Variants in SRGAP2C observed in about 807,000 individuals in gnomAD.
SRGAP2C encodes SLIT-ROBO Rho GTPase activating protein 2C, also known as SLIT-ROBO Rho GTPase-activating protein 2C.
SRGAP2C carries 15 observed loss-of-function variants against 25.1 expected under a neutral mutation model. The ratio of observed to expected loss-of-function variants is 0.60; its 90% CI spans 0.40 to 0.92. The LOEUF (loss-of-function observed/expected upper bound fraction) is 0.92, where lower values mean the gene tolerates loss of function less well. Ranked by LOEUF, SRGAP2C falls within the 40% of genes least tolerant of loss-of-function variation. The pLI is 0.00. For synonymous variants in SRGAP2C, 44 were observed against 96.6 expected, an observed-to-expected ratio of 0.46 and a Z score of 3.19; for missense variants, 144 against 264.4, an observed-to-expected ratio of 0.54 and a Z score of 3.16.
At chr1:121,296,132 G>A (rs1657594146) in intron 3 of SRGAP2C, among the ~76,000 whole-genome samples, 1 of 148,310 alleles carries the variant, frequency 6.7e-6, no homozygotes, top group Non-Finnish European at 1.5e-5. Flanking sequence ...TGAGAAATTT[G>A]GTTTTGGATT....
intron 3 of SRGAP2C, among the ~76,000 whole-genome samples, chr1:121,306,950 T>G (rs1553339516): frequency 2.0e-5 from 3 of 151,810 alleles, no homozygotes; most frequent in African/African-American, 7.3e-5. Context: ...CTCTGAGATT[T>G]TCTACTTTGT....
intron 2 of SRGAP2C, among the ~76,000 whole-genome samples, chr1:121,208,516 T>G (rs1233624969): frequency 6.6e-6 from 1 of 152,182 alleles, no homozygotes; most frequent in Admixed American, 6.5e-5. Flanking sequence ...GATGGGTAAA[T>G]GATAAATAGC....
intron 3 of SRGAP2C, among the ~76,000 whole-genome samples, chr1:121,314,473 C>T (rs1410830329): frequency 2.0e-5 from 3 of 152,222 alleles, no homozygotes; most frequent in African/African-American, 7.2e-5. Context: ...TGGTGAGAAA[C>T]TGCGTTCCTT....
chr1:121,384,697 A>G (rs1659917369), intron 8 of SRGAP2C, among the ~76,000 whole-genome samples: 1 of 138,318 alleles, frequency 7.2e-6, no homozygotes, highest in African/African-American at 2.7e-5. Context: ...GCTTGTCTCC[A>G]TAAAGGAGGA....
intron 4 of SRGAP2C, among the ~76,000 whole-genome samples, chr1:121,341,748 G>A: frequency 1.7e-5 from 1 of 57,744 alleles, no homozygotes; most frequent in Non-Finnish European, 3.3e-5. Flanking sequence ...TGGAGGACTG[G>A]AGAGGCATGA....
At chr1:121,259,827 CTTCT>C (rs1322975725) in intron 2 of SRGAP2C, among the ~76,000 whole-genome samples, 5 of 127,508 alleles carry the variant, frequency 3.9e-5, no homozygotes, top group African/African-American at 1.4e-4. Context: ...AAAATTTTTT[CTTCT>C]TTCTTCTTCT....
chr1:121,374,598 T>A (rs1306285684), intron 6 of SRGAP2C, among the ~76,000 whole-genome samples: 1 of 152,118 alleles, frequency 6.6e-6, no homozygotes, highest in Non-Finnish European at 1.5e-5. Context: ...GAAGATAGAA[T>A]CAAAGCGGGG....
chr1:121,298,051 C>G (rs1657632347), intron 3 of SRGAP2C, among the ~76,000 whole-genome samples: 1 of 152,082 alleles, frequency 6.6e-6, no homozygotes, highest in Non-Finnish European at 1.5e-5. Flanking sequence ...TCTTCAGACA[C>G]CTGTGGGCCC....
intron 3 of SRGAP2C, among the ~76,000 whole-genome samples, chr1:121,295,770 G>T (rs1276175270): frequency 1.3e-5 from 2 of 150,490 alleles, no homozygotes; most frequent in African/African-American, 2.4e-5. Flanking sequence ...TGTTGTTTGG[G>T]TTTTTTTTTA....
chr1:121,384,774 G>A (rs1659920027), intron 8 of SRGAP2C, among the ~76,000 whole-genome samples: 1 of 151,592 alleles, frequency 6.6e-6, no homozygotes, highest in Non-Finnish European at 1.5e-5. Flanking sequence ...ACTCCGGAGT[G>A]CAGCTGAAGT....
At chr1:121,206,213 C>T (rs1360764223) in intron 2 of SRGAP2C, among the ~76,000 whole-genome samples, 2 of 152,024 alleles carry the variant, frequency 1.3e-5, no homozygotes, top group South Asian at 2.1e-4. Flanking sequence ...TGCTCCTTCC[C>T]CCAGACTACA....
intron 2 of SRGAP2C, among the ~76,000 whole-genome samples, chr1:121,239,216 ATATATATATATACTATAT>A (rs1656048294): frequency 1.6e-4 from 1 of 6,264 alleles, no homozygotes; most frequent in Non-Finnish European, 2.3e-4. Context: ...ATATATATAT[ATATATATATATACTATAT>A]ATATATATAT....
In SRGAP2C at chr1:121,334,578, C is replaced by A. The variant is rs1407805076; in HGVS notation, c.423+9938C>A. On this transcript the variant is annotated intron_variant, in intron 4 of 9. Transcript: ENST00000367123. ...CTGTGCTCAAGCAATCCCAGTCCTT[C>A]CGTCTTGGCCTCCCAAAGTGGTGGG... Among the ~76,000 whole-genome samples, 2 of 110,194 alleles carry A rather than the reference C, an allele frequency of 1.8e-5. 1 individual carries two copies. Among genetic ancestry groups the A allele is most frequent in the African/African-American group, 6.7e-5 (2 of 29,904 alleles). The allele number at this position is 110,194 out of a possible 152,430, so 72.3% of individuals were successfully genotyped here.
chr1:121,362,776 T>C (rs1659231417), intron 4 of SRGAP2C: 1 of 143,136 alleles, frequency 7.0e-6, no homozygotes, highest in African/African-American at 2.6e-5. Context: ...GTTGCTTCAG[T>C]GGAGCTCAGC....
intron 2 of SRGAP2C, among the ~76,000 whole-genome samples, chr1:121,234,834 C>G (rs1197125768): frequency 1.3e-5 from 2 of 149,784 alleles, no homozygotes; most frequent in Non-Finnish European, 2.9e-5. Flanking sequence ...CTCTTTCGCT[C>G]TCTCTTGCCC....
At chr1:121,366,705 C>G (rs1659331709) in intron 5 of SRGAP2C, among the ~76,000 whole-genome samples, 1 of 151,624 alleles carries the variant, frequency 6.6e-6, no homozygotes, top group Non-Finnish European at 1.5e-5. Flanking sequence ...TTTCTCCTAG[C>G]AGAGAATTCC....
intron 2 of SRGAP2C, among the ~76,000 whole-genome samples, chr1:121,188,153 G>A (rs1405246461): frequency 6.6e-6 from 1 of 152,208 alleles, no homozygotes; most frequent in Non-Finnish European, 1.5e-5. Flanking sequence ...TCTGAATAGA[G>A]TTGGGAGGAT....
intron 4 of SRGAP2C, chr1:121,362,702 C>T (rs1659226723): frequency 6.6e-6 from 1 of 151,326 alleles, no homozygotes; most frequent in Admixed American, 6.6e-5. Context: ...CACTTCCTGA[C>T]CCTGTTGCTG....
chr1:121,315,638 A>T (rs2101601834), intron 3 of SRGAP2C, among the ~76,000 whole-genome samples: 1 of 147,852 alleles, frequency 6.8e-6, no homozygotes, highest in South Asian at 2.2e-4. Context: ...TGGACATACA[A>T]ATTTGGTCAT....
Sources: allele counts gnomAD v4.1 joint callset (sites outside exome capture counted in the v4.1 genomes callset), GRCh38; gene constraint gnomAD v4.1.1; transcripts MANE v1.5; gene names NCBI Gene and HGNC (gene_info 2026-07-23, HGNC 2026-07-21).